Variants in NELL2 observed in about 807,000 individuals in gnomAD.
NELL2 encodes neural EGFL like 2.
Under a neutral mutation model 109.6 loss-of-function variants are expected in NELL2, and 41 were observed. That is an observed-to-expected ratio of 0.37 (90% CI 0.29 to 0.49). The LOEUF is 0.49. Ranked by LOEUF, NELL2 falls within the 20% of genes least tolerant of loss-of-function variation. The pLI is 0.98. For synonymous variants in NELL2, 355 were observed against 344.7 expected, an observed-to-expected ratio of 1.03 and a Z score of -0.33; for missense variants, 900 against 1,008.3, an observed-to-expected ratio of 0.89 and a Z score of 1.45.
intron 13 of NELL2, among the ~76,000 whole-genome samples, chr12:44,631,912 C>T (rs1204834653): frequency 2.6e-5 from 4 of 152,032 alleles, no homozygotes; most frequent in Admixed American, 2.0e-4. Flanking sequence ...TGAGTATATG[C>T]AAAACTTCTA....
At chr12:44,842,040 T>C (rs1197185354) in intron 2 of NELL2, among the ~76,000 whole-genome samples, 1 of 140,520 alleles carries the variant, frequency 7.1e-6, no homozygotes, top group Non-Finnish European at 1.5e-5. Flanking sequence ...CAAAACAACT[T>C]TGAAAGTGAT....
chr12:44,513,798 G>T (rs534239388), intron 19 of NELL2, among the ~76,000 whole-genome samples: 1 of 151,720 alleles, frequency 6.6e-6, no homozygotes, highest in Non-Finnish European at 1.5e-5. Context: ...CCATCTAAGC[G>T]AATGTTTAAT....
At chr12:44,764,856 G>C (rs897693834) in intron 9 of NELL2, among the ~76,000 whole-genome samples, 1 of 149,788 alleles carries the variant, frequency 6.7e-6, no homozygotes, top group African/African-American at 2.4e-5. Context: ...GAGAGAGAGA[G>C]AGAAAAAAAA....
intron 2 of NELL2, among the ~76,000 whole-genome samples, chr12:44,843,268 G>A (rs1944279957): frequency 6.6e-6 from 1 of 150,804 alleles, no homozygotes; most frequent in South Asian, 2.1e-4. Context: ...ACTTCATAAA[G>A]GAATCTATTG....
chr12:44,624,983 T>G (rs1256341564), intron 13 of NELL2, among the ~76,000 whole-genome samples: 1 of 40,796 alleles, frequency 2.5e-5, no homozygotes, highest in African/African-American at 8.8e-5. Context: ...GACAAATATA[T>G]ATATATGTGT....
chr12:44,822,719 C>T (rs1487400555), intron 2 of NELL2, among the ~76,000 whole-genome samples: 1 of 152,164 alleles, frequency 6.6e-6, no homozygotes, highest in African/African-American at 2.4e-5. Context: ...ATTGTGCATA[C>T]AGCCTAAAAA....
At chr12:44,795,038 G>A (rs918859006) in intron 3 of NELL2, among the ~76,000 whole-genome samples, 5 of 152,202 alleles carry the variant, frequency 3.3e-5, no homozygotes, top group African/African-American at 7.2e-5. Context: ...TTAGGTTTCC[G>A]AGAAATAGGC....
At chr12:44,819,673 G>A (rs1231532334) in intron 2 of NELL2, among the ~76,000 whole-genome samples, 1 of 152,014 alleles carries the variant, frequency 6.6e-6, no homozygotes, top group East Asian at 1.9e-4. Context: ...CTCATGCAGG[G>A]TCACAATTCA....
At chr12:44,627,663 C>CA (rs369232521) in intron 13 of NELL2, among the ~76,000 whole-genome samples, 110 of 144,290 alleles carry the variant, frequency 7.6e-4, no homozygotes, top group African/African-American at 3.0e-3. Context: ...TGCACAGGGA[C>CA]ATACTTGCCT....
intron 1 of NELL2, among the ~76,000 whole-genome samples, chr12:44,902,948 C>T (rs1221565903): frequency 6.6e-6 from 1 of 152,136 alleles, no homozygotes; most frequent in Admixed American, 6.5e-5. Flanking sequence ...ACCATAAAAA[C>T]CCTAGAAGAA....
intron 9 of NELL2, among the ~76,000 whole-genome samples, chr12:44,732,777 C>G (rs191139453): frequency 2.6e-5 from 4 of 151,856 alleles, no homozygotes; most frequent in South Asian, 2.1e-4. Context: ...CTATGGAATG[C>G]GAGAAAATAT....
intron 9 of NELL2, among the ~76,000 whole-genome samples, chr12:44,755,225 A>G (rs978388402): frequency 1.3e-5 from 2 of 152,138 alleles, no homozygotes; most frequent in Non-Finnish European, 2.9e-5. Flanking sequence ...AAATTCTTTT[A>G]CCACCATGGA....
intron 13 of NELL2, among the ~76,000 whole-genome samples, chr12:44,636,405 T>A (rs374478361): frequency 6.6e-6 from 1 of 152,178 alleles, no homozygotes; most frequent in Non-Finnish European, 1.5e-5. Flanking sequence ...TTCAGTATGA[T>A]ATTGGCTATG....
chr12:44,511,733 G>A (rs928131556), intron 19 of NELL2, among the ~76,000 whole-genome samples: 15 of 152,162 alleles, frequency 9.9e-5, no homozygotes, highest in Admixed American at 3.3e-4. Context: ...GAAGCAGTGC[G>A]TCAGATCTGT....
At chr12:44,584,837 AAAT>A (rs1385563705) in intron 15 of NELL2, among the ~76,000 whole-genome samples, 1 of 152,234 alleles carries the variant, frequency 6.6e-6, no homozygotes, top group Non-Finnish European at 1.5e-5. Context: ...GCTCTCTGGT[AAAT>A]TTCCCTAACA....
intron 1 of NELL2, among the ~76,000 whole-genome samples, chr12:44,907,610 A>T (rs1190886468): frequency 6.6e-6 from 1 of 152,142 alleles, no homozygotes; most frequent in Non-Finnish European, 1.5e-5. Flanking sequence ...GAGACAGTAA[A>T]GTAGGAAAAT....
intron 13 of NELL2, among the ~76,000 whole-genome samples, chr12:44,658,876 C>CAAAAAAAAAA (rs758903947): frequency 1.0e-4 from 10 of 97,584 alleles, no homozygotes; most frequent in Admixed American, 2.4e-4. Flanking sequence ...GACTCTGTCT[C>CAAAAAAAAAA]CAAAAAAAAA....
intron 15 of NELL2, among the ~76,000 whole-genome samples, chr12:44,589,868 C>T (rs1944680680): frequency 6.6e-6 from 1 of 152,156 alleles, no homozygotes; most frequent in African/African-American, 2.4e-5. Flanking sequence ...AAATACCATA[C>T]AGTTAAGTAT....
chr12:44,777,226 G>A lies in NELL2; in HGVS notation c.679+16C>T. 6.2e-7 allele frequency: 1 copy of A among 1,612,180 alleles called. No homozygotes were observed. The highest frequency in any genetic ancestry group is 1.1e-5 in the South Asian group (1 of 91,044). ...AATATATGGGGACTCCACAGTGCAA[G>A]AACTAATAGACTTACTGCGATTAAG... On this transcript the variant is annotated intron_variant, in intron 6 of 19. Transcript: ENST00000429094.
Sources: allele counts gnomAD v4.1 joint callset (sites outside exome capture counted in the v4.1 genomes callset), GRCh38; gene constraint gnomAD v4.1.1; transcripts MANE v1.5; gene names NCBI Gene and HGNC (gene_info 2026-07-23, HGNC 2026-07-21).